Variants in PKD2L1 observed in about 807,000 individuals in gnomAD.
PKD2L1 encodes polycystin-2-like protein 1.
In PKD2L1, 77 loss-of-function variants were observed where a neutral mutation model predicts 93.0. The ratio of observed to expected loss-of-function variants is 0.83; its 90% CI spans 0.69 to 1.00. The LOEUF (loss-of-function observed/expected upper bound fraction) is 1.00, where lower values mean the gene tolerates loss of function less well. Among genes scored for constraint, PKD2L1 ranks in the 50% least tolerant of loss-of-function variants. PKD2L1 has a pLI of 0.00. For synonymous variants in PKD2L1, 390 were observed against 388.0 expected (o/e 1.01, Z -0.06); for missense variants, 977 against 990.9 (o/e 0.99, Z 0.19).
chr10:100,310,633 C>A (rs1213149073), intron 2 of PKD2L1, among the ~76,000 whole-genome samples: 1 of 151,984 alleles, frequency 6.6e-6, no homozygotes, highest in Non-Finnish European at 1.5e-5. Flanking sequence ...CTAAAATTGC[C>A]CTTATAAAAT....
intron 2 of PKD2L1, among the ~76,000 whole-genome samples, chr10:100,304,649 C>T (rs1268141312): frequency 6.6e-6 from 1 of 151,842 alleles, no homozygotes; most frequent in Non-Finnish European, 1.5e-5. Context: ...TGCATGCCAC[C>T]CCTTTTTAAA....
At chr10:100,309,017 T>C (rs1001640516) in intron 2 of PKD2L1, among the ~76,000 whole-genome samples, 29 of 152,140 alleles carry the variant, frequency 1.9e-4, no homozygotes, top group African/African-American at 7.0e-4. Context: ...TCAGGAACCA[T>C]ATGCTGACAC....
In PKD2L1 at chr10:100,288,487, G is replaced by GA; in HGVS notation, c.2336-10dup. 1 of 1,551,166 alleles carries GA rather than the reference G, an allele frequency of 6.4e-7. No homozygotes were observed. The highest frequency in any genetic ancestry group is 8.9e-7 in the Non-Finnish European group (1 of 1,122,836). ...TCTTTTATAGGGAACCTCTGTGGGG[G>GA]AAAACGAGAAACCCATGGGTGCTAG... On this transcript the variant is annotated splice_polypyrimidine_tract_variant and intron_variant, in intron 15 of 15. Transcript: ENST00000318222.
At chr10:100,329,458 A>C (rs1849455536) in intron 1 of PKD2L1, 134 bp from the exon 2 acceptor site, 1 of 1,261,482 alleles carries the variant, frequency 7.9e-7, no homozygotes, top group Admixed American at 2.1e-5. Flanking sequence ...TCCTTGGCTG[A>C]ATCTGGCTAC....
chr10:100,326,232 A>G (rs963529364), intron 2 of PKD2L1, among the ~76,000 whole-genome samples: 1 of 152,170 alleles, frequency 6.6e-6, no homozygotes, highest in Non-Finnish European at 1.5e-5. Flanking sequence ...CCCTCAGAAT[A>G]AAGTCCAAAT....
At position 100,329,211 on chromosome 10, in the gene PKD2L1, G is replaced by A. The variant is rs116266095; in HGVS notation, c.349C>T (p.Leu117=). 1,424 of 1,613,854 alleles carry A rather than the reference G, an allele frequency of 8.8e-4. 8 individuals carry two copies. In the African/African-American group the frequency reaches 0.017, roughly 19 times the overall value. ...GTACACAAACACAGATGCTACTCAC[G>A]TAGACAGATGTCCACCAGGAACACA... is the stretch of plus-strand genomic sequence containing the variant. ...YIVFLVDICL[L]TYGMTSSSAY... Residue 117 remains leucine, a splice_region_variant and synonymous_variant, in exon 2 of 16, where the codon CTG becomes TTG. Transcript: ENST00000318222.
chr10:100,316,884 C>T (rs1246076450), intron 2 of PKD2L1, among the ~76,000 whole-genome samples: 4 of 152,054 alleles, frequency 2.6e-5, no homozygotes, highest in African/African-American at 9.7e-5. Flanking sequence ...CTCAGGAGTT[C>T]GAGTCCAGCC....
In PKD2L1 at chr10:100,294,971, C is replaced by A; in HGVS notation, c.1509G>T (p.Val503=). 6.2e-7 allele frequency: 1 copy of A among 1,614,088 alleles called. No individual in the cohort carries two copies. Among genetic ancestry groups the A allele is most frequent in the South Asian group, 1.1e-5 (1 of 91,082 alleles). ...QLGYLLFGTQ[V]ENFSTFIKCI... ...ACTTGATGAAAGTGCTAAAGTTTTC[C>A]ACTTGGGTCCCGAAAAGCAGGTAGC... is the stretch of plus-strand genomic sequence containing the variant. Residue 503 remains valine (V), a synonymous_variant, in exon 8 of 16, where the codon GTG becomes GTT. Coordinates refer to ENST00000318222, the MANE Select transcript of PKD2L1 (RefSeq NM_016112.3).
At chr10:100,293,121 C>A (rs750896676) in intron 10 of PKD2L1, 52 bp from the exon 11 acceptor site, 1 of 1,599,934 alleles carries the variant, frequency 6.3e-7, no homozygotes, top group Non-Finnish European at 8.5e-7. Context: ...TCACTCATCC[C>A]TGGCCCCCAG....
chr10:100,317,759 C>T (rs563344770), intron 2 of PKD2L1, among the ~76,000 whole-genome samples: 5 of 152,112 alleles, frequency 3.3e-5, no homozygotes, highest in African/African-American at 1.2e-4. Flanking sequence ...TCAGGAAGCC[C>T]TAGGGGTCCT....
chr10:100,305,065 C>CTA (rs1483536197), intron 2 of PKD2L1, among the ~76,000 whole-genome samples: 2 of 151,282 alleles, frequency 1.3e-5, no homozygotes, highest in Non-Finnish European at 2.9e-5. Context: ...AACTATAATA[C>CTA]TATAATAAAG....
chr10:100,308,967 C>A (rs1848870019), intron 2 of PKD2L1, among the ~76,000 whole-genome samples: 1 of 152,106 alleles, frequency 6.6e-6, no homozygotes, highest in African/African-American at 2.4e-5. Flanking sequence ...GAAAGAAGCT[C>A]CATTCTGGTG....
intron 12 of PKD2L1, among the ~76,000 whole-genome samples, chr10:100,291,001 A>G (rs1186833471): frequency 6.6e-6 from 1 of 152,218 alleles, no homozygotes; most frequent in Non-Finnish European, 1.5e-5. Flanking sequence ...GTTTTAGAGC[A>G]TGATTCTCAA....
At chr10:100,291,841 G>A (rs1385678237) in intron 11 of PKD2L1, among the ~76,000 whole-genome samples, 2 of 152,010 alleles carry the variant, frequency 1.3e-5, no homozygotes, top group Non-Finnish European at 2.9e-5. Flanking sequence ...GTGGTAGTGT[G>A]GCCTTTCTCA....
chr10:100,310,603 C>T (rs909738256), intron 2 of PKD2L1, among the ~76,000 whole-genome samples: 17 of 152,054 alleles, frequency 1.1e-4, no homozygotes, highest in Admixed American at 2.0e-4. Context: ...CAGGCACACA[C>T]GCACACACAC....
chr10:100,304,331 G>A (rs952408020), intron 2 of PKD2L1, among the ~76,000 whole-genome samples: 1 of 152,024 alleles, frequency 6.6e-6, no homozygotes, highest in Non-Finnish European at 1.5e-5. Context: ...CCCAAACCGA[G>A]TATTTCTAAT....
chr10:100,297,487 G>T lies in PKD2L1; in HGVS notation c.851C>A (p.Ala284Asp), dbSNP rs1444954338. The change falls in exon 5 of 16, where the codon GCT becomes GAT. Residue 284 changes from alanine to aspartate, a missense_variant. Transcript: ENST00000318222. ...LPGSRQGSAEALRALQEGLWL... is the reference protein window; with the variant it reads ...LPGSRQGSAEDLRALQEGLWL... The stretch of plus-strand genomic sequence containing the variant: ...CAGCCCCTCCTGAAGGGCCCGGAGA[G>T]CCTCTGCACTACCCTGTCGGGATCC... 2.5e-6 allele frequency: 4 copies of T among 1,614,120 alleles called. No homozygotes were observed. The South Asian group carries it at 3.3e-5, about 13-fold the overall frequency.
Position 100,298,743 on chromosome 10 carries a change from AGCCATG to A in PKD2L1, c.544_549del (p.His182_Gly183del). 6.2e-7 allele frequency: 1 copy of A among 1,613,960 alleles called. No homozygotes were observed. Among genetic ancestry groups the A allele is most frequent in the East Asian group, 2.2e-5 (1 of 44,860 alleles). On this transcript the variant is annotated inframe_deletion, in exon 4 of 16. Coordinates refer to ENST00000318222, the MANE Select transcript of PKD2L1 (RefSeq NM_016112.3). The stretch of plus-strand genomic sequence containing the variant: ...TTCTCATAGTAGATGAAGGAGTGGG[AGCCATG>A]GCCCAGGCTCTGGTTGTTGTACCAT...
At chr10:100,325,378 T>C (rs577668736) in intron 2 of PKD2L1, among the ~76,000 whole-genome samples, 1 of 152,128 alleles carries the variant, frequency 6.6e-6, no homozygotes, top group Non-Finnish European at 1.5e-5. Context: ...AGCACCGAAG[T>C]GGCCCTCCTG....
Sources: allele counts gnomAD v4.1 joint callset (sites outside exome capture counted in the v4.1 genomes callset), GRCh38; gene constraint gnomAD v4.1.1; transcripts MANE v1.5; gene names NCBI Gene and HGNC (gene_info 2026-07-23, HGNC 2026-07-21).